The following ZNRF1 variants were observed in gnomAD, a reference collection of about 807,000 sequenced individuals.
The protein encoded by ZNRF1 is zinc and ring finger 1, also known as E3 ubiquitin-protein ligase ZNRF1.
ZNRF1 carries 3 observed loss-of-function variants against 18.4 expected under a neutral mutation model. The ratio of observed to expected loss-of-function variants is 0.16; its 90% CI spans 0.07 to 0.42. The LOEUF (loss-of-function observed/expected upper bound fraction) is 0.42, where lower values mean the gene tolerates loss of function less well. Ranked by LOEUF, ZNRF1 falls within the 10% of genes least tolerant of loss-of-function variation. The probability of loss-of-function intolerance (pLI) is 0.99; values close to 1 mark genes in which losing one functional copy is unlikely to be tolerated. For synonymous variants in ZNRF1, 157 were observed against 144.2 expected (o/e 1.09, Z -0.64); for missense variants, 310 against 329.8 (o/e 0.94, Z 0.47).
rs575205986 is a variant in ZNRF1, at chr16:75,085,714, C to G, written c.425-7858C>G. Among the ~76,000 whole-genome samples the G allele has an allele frequency of 2.3e-4, 35 of 150,544 alleles. No individual in the cohort carries two copies. The East Asian group carries it at 6.3e-3, about 27-fold the overall frequency. On this transcript the variant is annotated intron_variant, in intron 1 of 4. Coordinates refer to ENST00000335325, the MANE Select transcript of ZNRF1 (RefSeq NM_032268.5). ...ATTACCAACATCTGGTGTTGCTAGTCCTTTAAAGTTTTTGTTTGGTATTTT... is the reference window on the plus strand; with the variant it reads ...ATTACCAACATCTGGTGTTGCTAGTGCTTTAAAGTTTTTGTTTGGTATTTT...
chr16:75,040,046 T>C (rs71378734), intron 1 of ZNRF1, among the ~76,000 whole-genome samples: 60 of 50,496 alleles, frequency 1.2e-3, no homozygotes, highest in South Asian at 2.8e-3. Flanking sequence ...TTCTTTCTTT[T>C]TTTTTTTTTT....
At chr16:75,020,978 T>C (rs1003725267) in intron 1 of ZNRF1, among the ~76,000 whole-genome samples, 3 of 152,230 alleles carry the variant, frequency 2.0e-5, no homozygotes, top group Non-Finnish European at 4.4e-5. Context: ...TCTTCCCAAA[T>C]AGAAATCCAC....
At chr16:75,025,146 C>T (rs367943773) in intron 1 of ZNRF1, among the ~76,000 whole-genome samples, 31 of 152,286 alleles carry the variant, frequency 2.0e-4, no homozygotes, top group African/African-American at 6.7e-4. Flanking sequence ...CGGCTCTCTG[C>T]AAGCTCTGCC....
intron 1 of ZNRF1, among the ~76,000 whole-genome samples, chr16:75,030,922 C>T (rs2035294247): frequency 2.0e-5 from 3 of 146,996 alleles, no homozygotes; most frequent in Admixed American, 6.8e-5. Context: ...TTCACTGCAA[C>T]CTCCGCCTCC....
intron 1 of ZNRF1, among the ~76,000 whole-genome samples, chr16:75,018,509 T>C (rs1169003278): frequency 6.6e-6 from 1 of 152,224 alleles, no homozygotes; most frequent in African/African-American, 2.4e-5. Flanking sequence ...TCCTGCTTTT[T>C]TTTAAAGGGA....
At chr16:75,059,056 C>G (rs1014462079) in intron 1 of ZNRF1, among the ~76,000 whole-genome samples, 1 of 152,116 alleles carries the variant, frequency 6.6e-6, no homozygotes, top group African/African-American at 2.4e-5. Context: ...ATGTGTCAGG[C>G]CTGCCTGCTC....
intron 1 of ZNRF1, among the ~76,000 whole-genome samples, chr16:75,019,829 A>G (rs2035121363): frequency 1.3e-5 from 2 of 151,996 alleles, no homozygotes; most frequent in Admixed American, 1.3e-4. Context: ...GACTCAAGCG[A>G]TCCTCCTGCC....
intron 1 of ZNRF1, among the ~76,000 whole-genome samples, chr16:75,022,961 T>C (rs922881005): frequency 4.6e-5 from 7 of 152,342 alleles, no homozygotes; most frequent in Middle Eastern, 3.4e-3. Flanking sequence ...TATGGGATCA[T>C]TGGTGATCCC....
chr16:75,032,263 T>A (rs1213982296), intron 1 of ZNRF1, among the ~76,000 whole-genome samples: 1 of 151,444 alleles, frequency 6.6e-6, no homozygotes, highest in Non-Finnish European at 1.5e-5. Flanking sequence ...GCACCTGCCA[T>A]CCTGCCTGGC....
intron 1 of ZNRF1, among the ~76,000 whole-genome samples, chr16:75,029,536 G>A (rs1471854879): frequency 6.6e-6 from 1 of 152,180 alleles, no homozygotes; most frequent in African/African-American, 2.4e-5. Flanking sequence ...GGAGGCTGAG[G>A]CGGGCAGATC....
At chr16:75,090,289 G>A (rs1048130216) in intron 1 of ZNRF1, among the ~76,000 whole-genome samples, 5 of 152,180 alleles carry the variant, frequency 3.3e-5, no homozygotes, top group African/African-American at 1.2e-4. Flanking sequence ...AAAATAATCA[G>A]CCTGGTGTGT....
intron 1 of ZNRF1, among the ~76,000 whole-genome samples, chr16:75,014,102 A>C (rs888829762): frequency 6.6e-6 from 1 of 152,170 alleles, no homozygotes; most frequent in African/African-American, 2.4e-5. Flanking sequence ...AAGTGCTGGG[A>C]TTAGAGGTGT....
Position 75,054,612 on chromosome 16 carries a change from A to G in ZNRF1, c.425-38960A>G, listed in dbSNP as rs1437809151. ...CCTTTAATTCAGGGCCTAAGGAACC[A>G]TTGCTTTTTAGCCTAAGCAGCAATT... is the stretch of plus-strand genomic sequence containing the variant. On this transcript the variant is annotated intron_variant, in intron 1 of 4. Transcript: ENST00000335325. Among the ~76,000 whole-genome samples, 2 of 152,236 alleles carry G rather than the reference A, an allele frequency of 1.3e-5. 1 individual carries two copies. Among genetic ancestry groups the G allele is most frequent in the Non-Finnish European group, 2.9e-5 (2 of 68,034 alleles).
In ZNRF1 at chr16:75,028,467, G is replaced by A. The variant is rs370336502; in HGVS notation, c.424+28372G>A. Among the ~76,000 whole-genome samples the A allele has an allele frequency of 2.7e-4, 41 of 152,190 alleles. 1 individual carries two copies. In the South Asian group the frequency reaches 8.3e-3, roughly 31 times the overall value. ...TGCCATCACACCTGGCTAATTTTTTGTGTTTTTAGTAGAGATGGGGTTTCA... is the reference window on the plus strand; with the variant it reads ...TGCCATCACACCTGGCTAATTTTTTATGTTTTTAGTAGAGATGGGGTTTCA... On this transcript the variant is annotated intron_variant, in intron 1 of 4. Coordinates refer to ENST00000335325, the MANE Select transcript of ZNRF1 (RefSeq NM_032268.5).
At chr16:75,101,348 G>T (rs72626190) in intron 2 of ZNRF1, among the ~76,000 whole-genome samples, 24,686 of 152,200 alleles carry the variant, frequency 0.16, 2,895 homozygotes, top group East Asian at 0.56. Flanking sequence ...GAGGTCAAGA[G>T]ATCAAGACCA....
intron 1 of ZNRF1, chr16:75,046,986 G>C (rs189816231): frequency 7.2e-5 from 11 of 152,264 alleles, no homozygotes; most frequent in African/African-American, 1.9e-4. Context: ...GGATTTCTCT[G>C]TACTTGTACC....
chr16:75,078,502 T>G lies in ZNRF1; in HGVS notation c.425-15070T>G, dbSNP rs551869203. Reference sequence around the variant, plus strand: ...TTAGTAGAGATGGGGTTTCACCACGTTGGTCAGGCTGGTCTCGAACTCCCA... The same window carrying G: ...TTAGTAGAGATGGGGTTTCACCACGGTGGTCAGGCTGGTCTCGAACTCCCA... On this transcript the variant is annotated intron_variant, in intron 1 of 4. Coordinates refer to ENST00000335325, the MANE Select transcript of ZNRF1 (RefSeq NM_032268.5). Among the ~76,000 whole-genome samples, 30 of 152,240 alleles carry G rather than the reference T, an allele frequency of 2.0e-4. No individual in the cohort carries two copies. In the South Asian group the frequency reaches 6.0e-3, roughly 31 times the overall value.
intron 1 of ZNRF1, among the ~76,000 whole-genome samples, chr16:75,009,373 C>T (rs550642623): frequency 6.6e-6 from 1 of 152,238 alleles, no homozygotes; most frequent in African/African-American, 2.4e-5. Flanking sequence ...TAAGTGGACT[C>T]GTACAGTATT....
chr16:75,059,429 G>A (rs2035715189), intron 1 of ZNRF1, among the ~76,000 whole-genome samples: 3 of 151,522 alleles, frequency 2.0e-5, no homozygotes, highest in South Asian at 4.2e-4. Flanking sequence ...TGTATTTTTT[G>A]TAGAGACAGG....
Sources: allele counts gnomAD v4.1 joint callset (sites outside exome capture counted in the v4.1 genomes callset), GRCh38; gene constraint gnomAD v4.1.1; transcripts MANE v1.5; gene names NCBI Gene and HGNC (gene_info 2026-07-23, HGNC 2026-07-21).